Variants in DMAC2 observed in about 807,000 individuals in gnomAD.
The protein encoded by DMAC2 is distal membrane arm assembly component 2, also known as distal membrane-arm assembly complex protein 2.
DMAC2 carries 32 observed loss-of-function variants against 29.6 expected under a neutral mutation model. The observed-to-expected ratio is 1.08, with a 90% CI of 0.81 to 1.45. The LOEUF (loss-of-function observed/expected upper bound fraction) is 1.45. Among genes scored for constraint, DMAC2 ranks in the 40% most tolerant of loss-of-function variants. The probability of loss-of-function intolerance (pLI) is 0.00; values close to 1 mark genes in which losing one functional copy is unlikely to be tolerated. For synonymous variants in DMAC2, 133 were observed against 137.4 expected, an observed-to-expected ratio of 0.97 and a Z score of 0.23; for missense variants, 319 against 340.0, an observed-to-expected ratio of 0.94 and a Z score of 0.49.
Position 41,438,343 on chromosome 19 carries a change from G to A in DMAC2, c.90C>T (p.Ala30=). ...TTTTCTTCTTCTGATTGCCCTCTGG[G>A]GCCACTGCCGCACCCAGGCGATGGA... ...RGIHRLGAAV[A]PEGNQKKKRT... is the part of the protein sequence containing the mutation. The change falls in exon 2 of 6, where the codon GCC becomes GCT. Residue 30 remains alanine, a synonymous_variant. Coordinates refer to ENST00000221943, the MANE Select transcript of DMAC2 (RefSeq NM_018035.3). The A allele has an allele frequency of 1.2e-6, 2 of 1,614,214 alleles. No homozygotes were observed. Among genetic ancestry groups the A allele is most frequent in the Non-Finnish European group, 1.7e-6 (2 of 1,180,038 alleles).
At chr19:41,438,163 C>T in intron 2 of DMAC2, 55 bp downstream of exon 2, 1 of 1,540,352 alleles carries the variant, frequency 6.5e-7, no homozygotes, top group Non-Finnish European at 8.9e-7. Context: ...AGGACAGGAC[C>T]TGGGCTCTGG....
chr19:41,439,498 C>G, intron 1 of DMAC2: 2 of 1,537,086 alleles, frequency 1.3e-6, no homozygotes, highest in Non-Finnish European at 1.7e-6. Flanking sequence ...CTTCTAAGAC[C>G]AAATCCCACA....
At chr19:41,432,987 G>A in intron 5 of DMAC2, 1 of 527,136 alleles carries the variant, frequency 1.9e-6, no homozygotes, top group South Asian at 2.9e-5. Context: ...GGCACATGAA[G>A]CCCACTGTGT....
chr19:41,436,312 C>A, intron 3 of DMAC2, 80 bp downstream of exon 3: 1 of 1,274,618 alleles, frequency 7.8e-7, no homozygotes. Context: ...ACTCTGAAGC[C>A]TGTGTGACTG....
At chr19:41,436,990 T>C (rs965230237) in intron 2 of DMAC2, among the ~76,000 whole-genome samples, 18 of 152,134 alleles carry the variant, frequency 1.2e-4, no homozygotes, top group Non-Finnish European at 2.4e-4. Context: ...GGAGTCCTGA[T>C]AGGGGGTCTC....
chr19:41,439,728 A>G (rs782058949), intron 1 of DMAC2, 154 bp downstream of exon 1: 115 of 1,377,550 alleles, frequency 8.3e-5, no homozygotes, highest in Middle Eastern at 4.2e-4. Context: ...CCTGGCCCCC[A>G]CTAGCCACAG....
At position 41,433,254 on chromosome 19, in the gene DMAC2, C is replaced by G; in HGVS notation, c.596+18G>C. On this transcript the variant is annotated intron_variant, in intron 5 of 5. Coordinates refer to ENST00000221943, the MANE Select transcript of DMAC2 (RefSeq NM_018035.3). Reference sequence around the variant, plus strand: ...AGAGGTGCCTGGGCATGTGGCCCAGCCTGAGCTGAGGTCTCACTGGAGGTG... The same window carrying G: ...AGAGGTGCCTGGGCATGTGGCCCAGGCTGAGCTGAGGTCTCACTGGAGGTG... 6.3e-7 allele frequency: 1 copy of G among 1,599,186 alleles called. No homozygotes were observed. Among genetic ancestry groups the G allele is most frequent in the South Asian group, 1.1e-5 (1 of 90,130 alleles).
At chr19:41,436,368 GT>G in intron 3 of DMAC2, 23 bp downstream of exon 3, 1 of 1,609,290 alleles carries the variant, frequency 6.2e-7, no homozygotes, top group Non-Finnish European at 8.5e-7. Flanking sequence ...GCCCCAGCCC[GT>G]TCTAACACCT....
At chr19:41,432,783 C>T (rs868918707) in intron 5 of DMAC2, 5,139 of 303,168 alleles carry the variant, frequency 0.017, 191 homozygotes, top group Non-Finnish European at 0.019. Flanking sequence ...GGACAGCGTG[C>T]GTGTGTGTGT....
chr19:41,436,060 G>A (rs1305986450), intron 3 of DMAC2, among the ~76,000 whole-genome samples: 1 of 152,140 alleles, frequency 6.6e-6, no homozygotes, highest in African/African-American at 2.4e-5. Context: ...ATTTTTAGTA[G>A]AGACAGGGTT....
intron 1 of DMAC2, chr19:41,439,245 T>C (rs1359784471): frequency 2.2e-6 from 1 of 454,882 alleles, no homozygotes. Flanking sequence ...ATCTCGATAA[T>C]TTTACCCAAA....
In DMAC2 at chr19:41,434,397, C is replaced by CAAAA. The variant is rs1160927067; in HGVS notation, c.297-728_297-725dup. Among the ~76,000 whole-genome samples the CAAAA allele has an allele frequency of 6.0e-4, 38 of 63,258 alleles. 1 individual carries two copies. Among genetic ancestry groups the CAAAA allele is most frequent in the African/African-American group, 2.4e-3 (36 of 15,192 alleles). The allele number at this position is 63,258 out of a possible 152,430, so 41.5% of individuals were successfully genotyped here. The stretch of plus-strand genomic sequence containing the variant: ...TGCTCCAGCCTGGGAGACCCTATCT[C>CAAAA]AAAAAAAAAAAAAAAAAAAAAGGAA... On this transcript the variant is annotated intron_variant, in intron 3 of 5. Transcript: ENST00000221943.
chr19:41,431,674 C>T lies in DMAC2; in HGVS notation c.*557G>A, dbSNP rs1482186858. On this transcript the variant is annotated 3_prime_UTR_variant, in exon 6 of 6. Coordinates refer to ENST00000221943, the MANE Select transcript of DMAC2 (RefSeq NM_018035.3). ...TGCCCTCTACTGACAAAGCTTATCC[C>T]CTTTCAAAAAACAGCCAACTGAAAA... 4.3e-6 allele frequency: 1 copy of T among 231,332 alleles called. No individual in the cohort carries two copies. Among genetic ancestry groups the T allele is most frequent in the Non-Finnish European group, 8.8e-6 (1 of 114,208 alleles). The allele number at this position is 231,332 out of a possible 1,614,324, so 14.3% of individuals were successfully genotyped here.
At chr19:41,437,045 T>C (rs377057149) in intron 2 of DMAC2, among the ~76,000 whole-genome samples, 9 of 152,322 alleles carry the variant, frequency 5.9e-5, no homozygotes, top group Middle Eastern at 3.4e-3. Flanking sequence ...GATTGGCTCT[T>C]ATTTGAAGGT....
At chr19:41,438,165 G>A in intron 2 of DMAC2, 53 bp downstream of exon 2, 1 of 1,541,530 alleles carries the variant, frequency 6.5e-7, no homozygotes, top group South Asian at 1.2e-5. Flanking sequence ...GACAGGACCT[G>A]GGCTCTGGTG....
rs1349870222 is a variant in DMAC2 at position 41,432,674 on chromosome 19, G to GTGTGTA, written c.597-267_597-266insTACACA. 87 of 365,924 alleles carry GTGTGTA rather than the reference G, an allele frequency of 2.4e-4. 1 individual carries two copies. Among genetic ancestry groups the GTGTGTA allele is most frequent in the South Asian group, 3.9e-4 (15 of 38,738 alleles). 22.7% of individuals were successfully genotyped at this position (365,924 alleles called of 1,614,324 possible). A position where few individuals can be genotyped will look rare whatever the true frequency, so the allele number is the denominator to read the frequency against. On this transcript the variant is annotated intron_variant, in intron 5 of 5. Coordinates refer to ENST00000221943, the MANE Select transcript of DMAC2 (RefSeq NM_018035.3). ...ACAGCGTGTGTGTGTGTGTGTGTGTGTGTATAGGGAGATAAGCCAGTATAA... is the reference window on the plus strand; with the variant it reads ...ACAGCGTGTGTGTGTGTGTGTGTGTGTGTGTATGTATAGGGAGATAAGCCAGTATAA...
At chr19:41,432,521 T>A (rs1599984631) in intron 5 of DMAC2, 113 bp from the exon 6 acceptor site, 4 of 997,406 alleles carry the variant, frequency 4.0e-6, no homozygotes, top group Non-Finnish European at 6.0e-6. Flanking sequence ...GGTAAGCCAG[T>A]GTAAGGACAG....
At position 41,432,149 on chromosome 19, in the gene DMAC2, A is replaced by G; in HGVS notation, c.*82T>C. On this transcript the variant is annotated 3_prime_UTR_variant, in exon 6 of 6. Coordinates refer to ENST00000221943, the MANE Select transcript of DMAC2 (RefSeq NM_018035.3). ...CCACCCTGACGTTGAGTGAAGACAA[A>G]TGGAAGCCAGAAGTGTGGTGAGCTA... is the stretch of plus-strand genomic sequence containing the variant. 1 of 1,498,616 alleles carries G rather than the reference A, an allele frequency of 6.7e-7. No homozygotes were observed. Among genetic ancestry groups the G allele is most frequent in the Non-Finnish European group, 9.1e-7 (1 of 1,099,236 alleles). 92.8% of individuals were successfully genotyped at this position (1,498,616 alleles called of 1,614,324 possible). A position where few individuals can be genotyped will look rare whatever the true frequency, so the allele number is the denominator to read the frequency against.
rs548054662 is a variant in DMAC2, at chr19:41,434,794, C to T, written c.297-1121G>A. On this transcript the variant is annotated intron_variant, in intron 3 of 5. Coordinates refer to ENST00000221943, the MANE Select transcript of DMAC2 (RefSeq NM_018035.3). The stretch of plus-strand genomic sequence containing the variant: ...CCGAGGTGGGTGGATCACTTGAGGT[C>T]AGGGGTTGGAGACCAGCCTGGCCAA... 5.4e-4 allele frequency among the ~76,000 whole-genome samples: 82 copies of T among 152,190 alleles called. 1 individual carries two copies. The highest frequency in any genetic ancestry group is 1.9e-3 in the African/African-American group (81 of 41,544).
Sources: allele counts gnomAD v4.1 joint callset (sites outside exome capture counted in the v4.1 genomes callset), GRCh38; gene constraint gnomAD v4.1.1; transcripts MANE v1.5; gene names NCBI Gene and HGNC (gene_info 2026-07-23, HGNC 2026-07-21).